GPC6: variants seen among roughly 807,000 people sequenced by gnomAD.
GPC6 encodes glypican-6.
GPC6 carries 14 observed loss-of-function variants against 55.2 expected under a neutral mutation model. The ratio of observed to expected loss-of-function variants is 0.25; its 90% CI spans 0.17 to 0.40. The LOEUF (loss-of-function observed/expected upper bound fraction) is 0.40. GPC6 is among the 10% of genes least tolerant of loss of function. The pLI is 1.00. For missense variants in GPC6, 641 were observed against 708.5 expected (o/e 0.90, Z 1.08); for synonymous variants, 278 against 259.6 (o/e 1.07, Z -0.68).
chr13:94,337,339 T>TTCA (rs1877760939), intron 6 of GPC6, among the ~76,000 whole-genome samples: 2 of 152,206 alleles, frequency 1.3e-5, no homozygotes, highest in African/African-American at 4.8e-5. Context: ...TAAATTTTAT[T>TTCA]TCATCTAAAT....
At chr13:93,225,694 A>G (rs1250744017), upstream of GPC6, among the ~76,000 whole-genome samples, 1 of 152,156 alleles carries the variant, frequency 6.6e-6, no homozygotes, top group East Asian at 1.9e-4. Flanking sequence ...TGTACCTAAT[A>G]TGTTGTGATG....
intron 1 of GPC6, among the ~76,000 whole-genome samples, chr13:93,496,967 G>A (rs1880324397): frequency 6.6e-6 from 1 of 152,110 alleles, no homozygotes; most frequent in African/African-American, 2.4e-5. Context: ...TAGGCAATTG[G>A]AGGATTATGA....
intron 1 of GPC6, among the ~76,000 whole-genome samples, chr13:93,517,083 GAC>G (rs201274881): frequency 6.4e-5 from 1 of 15,534 alleles, no homozygotes; most frequent in Non-Finnish European, 3.9e-3. Flanking sequence ...TGCATTCATA[GAC>G]AAAGAGAGAA....
At chr13:93,999,774 A>C (rs2140423531) in intron 3 of GPC6, among the ~76,000 whole-genome samples, 1 of 152,316 alleles carries the variant, frequency 6.6e-6, no homozygotes, top group Non-Finnish European at 1.5e-5. Flanking sequence ...AATCACCATA[A>C]TTCCTCTGAT....
At chr13:93,522,583 T>C (rs1313146947) in intron 1 of GPC6, among the ~76,000 whole-genome samples, 1 of 151,798 alleles carries the variant, frequency 6.6e-6, no homozygotes, top group African/African-American at 2.4e-5. Context: ...ATTATATACT[T>C]ATGCTCCGGT....
intron 1 of GPC6, among the ~76,000 whole-genome samples, chr13:93,329,730 G>A (rs146842377): frequency 5.9e-5 from 9 of 152,060 alleles, no homozygotes; most frequent in Non-Finnish European, 1.0e-4. Context: ...CACCGCAAGC[G>A]TAAGTGGAAA....
chr13:93,675,942 G>T (rs1166824561), intron 2 of GPC6, among the ~76,000 whole-genome samples: 1 of 151,334 alleles, frequency 6.6e-6, no homozygotes, highest in Non-Finnish European at 1.5e-5. Context: ...ACCAAAGCAG[G>T]TCAAAGTAAT....
chr13:94,038,184 C>T (rs1883408268), intron 4 of GPC6, among the ~76,000 whole-genome samples: 1 of 151,810 alleles, frequency 6.6e-6, no homozygotes, highest in Admixed American at 6.6e-5. Context: ...GAAGTAATTA[C>T]CACAATCAAG....
intron 7 of GPC6, among the ~76,000 whole-genome samples, chr13:94,393,883 A>AATACTAAGC (rs1162640948): frequency 7.7e-4 from 117 of 152,326 alleles, no homozygotes; most frequent in Non-Finnish European, 4.4e-5. Flanking sequence ...TTCACATATC[A>AATACTAAGC]ACAGGGTCTT....
intron 4 of GPC6, among the ~76,000 whole-genome samples, chr13:94,074,240 C>G (rs1884832838): frequency 6.6e-6 from 1 of 151,930 alleles, no homozygotes; most frequent in Admixed American, 6.6e-5. Flanking sequence ...TTCAATAGCT[C>G]AGTAAAAAAA....
At chr13:94,259,060 C>T (rs997028141) in intron 4 of GPC6, among the ~76,000 whole-genome samples, 1 of 151,766 alleles carries the variant, frequency 6.6e-6, no homozygotes, top group Non-Finnish European at 1.5e-5. Flanking sequence ...CCCTAGCACA[C>T]TGGAAACCTT....
At chr13:93,538,107 A>C (rs1207038706) in intron 1 of GPC6, among the ~76,000 whole-genome samples, 1 of 152,188 alleles carries the variant, frequency 6.6e-6, no homozygotes, top group Non-Finnish European at 1.5e-5. Context: ...GTGGAAACAT[A>C]AGCTGGAACT....
At chr13:94,275,567 C>G (rs530989629) in intron 4 of GPC6, among the ~76,000 whole-genome samples, 26 of 152,068 alleles carry the variant, frequency 1.7e-4, no homozygotes, top group African/African-American at 6.0e-4. Context: ...GGAATGTAAA[C>G]AAATGATTGG....
intron 1 of GPC6, among the ~76,000 whole-genome samples, chr13:93,457,357 A>C (rs1361684676): frequency 6.6e-6 from 1 of 152,212 alleles, no homozygotes; most frequent in Admixed American, 6.5e-5. Flanking sequence ...TTTCCAAATA[A>C]GGTCACATTC....
At chr13:93,458,189 T>C (rs188586913) in intron 1 of GPC6, among the ~76,000 whole-genome samples, 25 of 152,324 alleles carry the variant, frequency 1.6e-4, no homozygotes, top group African/African-American at 5.8e-4. Flanking sequence ...AATAGGACTG[T>C]GATCACACAT....
At chr13:93,408,773 A>G (rs1353607212) in intron 1 of GPC6, among the ~76,000 whole-genome samples, 1 of 152,022 alleles carries the variant, frequency 6.6e-6, no homozygotes, top group Non-Finnish European at 1.5e-5. Flanking sequence ...GTTATTATGG[A>G]GGTAGTAGGT....
chr13:93,721,197 T>A (rs935550334), intron 2 of GPC6, among the ~76,000 whole-genome samples: 1 of 152,018 alleles, frequency 6.6e-6, no homozygotes, highest in Non-Finnish European at 1.5e-5. Context: ...TGTGGGAGTC[T>A]AAGTCTCTTT....
chr13:94,226,203 T>A (rs986041766), intron 4 of GPC6, among the ~76,000 whole-genome samples: 30 of 152,162 alleles, frequency 2.0e-4, no homozygotes, highest in African/African-American at 7.2e-4. Context: ...AGAGCAAGTT[T>A]ATATACATAA....
At chr13:94,230,537 T>C (rs879816131) in intron 4 of GPC6, among the ~76,000 whole-genome samples, 13 of 152,112 alleles carry the variant, frequency 8.5e-5, no homozygotes, top group Non-Finnish European at 1.6e-4. Context: ...ATTCTCCAAG[T>C]GATACCTGGA....
Sources: gnomAD v4.1 joint callset for allele counts (sites outside exome capture counted in the v4.1 genomes callset) on GRCh38, gnomAD v4.1.1 for gene constraint, MANE v1.5 for transcripts, NCBI Gene and HGNC (gene_info 2026-07-23, HGNC 2026-07-21) for gene names.